SLC10A7: variants seen among roughly 807,000 people sequenced by gnomAD.
SLC10A7 encodes sodium/bile acid cotransporter 7.
Under a neutral mutation model 43.2 loss-of-function variants are expected in SLC10A7, and 29 were observed. That is an observed-to-expected ratio of 0.67 (90% CI 0.50 to 0.92). SLC10A7 has a LOEUF of 0.92. Ranked by LOEUF, SLC10A7 falls within the 40% of genes least tolerant of loss-of-function variation. The probability of loss-of-function intolerance (pLI) is 0.00; values close to 1 mark genes in which losing one functional copy is unlikely to be tolerated. For missense variants in SLC10A7, 295 were observed against 403.2 expected (o/e 0.73, Z 2.30); for synonymous variants, 152 against 144.8 (o/e 1.05, Z -0.35).
intron 2 of SLC10A7, chr4:146,513,858 C>T (rs1737704386): frequency 6.6e-6 from 1 of 152,090 alleles, no homozygotes; most frequent in Non-Finnish European, 1.5e-5. Context: ...AATTTTGAGC[C>T]ACATAGTCAA....
intron 5 of SLC10A7, among the ~76,000 whole-genome samples, chr4:146,409,303 T>C (rs1485769503): frequency 2.8e-5 from 3 of 105,622 alleles, no homozygotes; most frequent in African/African-American, 7.2e-5. Flanking sequence ...TGCTTCCAAA[T>C]AGAAAAAAAA....
At chr4:146,339,240 A>G (rs1318822524) in intron 5 of SLC10A7, among the ~76,000 whole-genome samples, 1 of 152,020 alleles carries the variant, frequency 6.6e-6, no homozygotes, top group Non-Finnish European at 1.5e-5. Flanking sequence ...CCATGTCTAC[A>G]CATGTGAAAT....
intron 1 of SLC10A7, among the ~76,000 whole-genome samples, chr4:146,520,068 G>A (rs1398288725): frequency 6.6e-6 from 1 of 152,152 alleles, no homozygotes; most frequent in Non-Finnish European, 1.5e-5. Flanking sequence ...TCTTCCCACA[G>A]AATATTTAGG....
At chr4:146,472,525 C>T (rs1190322346) in intron 4 of SLC10A7, among the ~76,000 whole-genome samples, 1 of 148,408 alleles carries the variant, frequency 6.7e-6, no homozygotes, top group Non-Finnish European at 1.5e-5. Flanking sequence ...CAGTTCCTAA[C>T]AACAGGGAAC....
At chr4:146,359,758 T>G (rs1297724572) in intron 5 of SLC10A7, among the ~76,000 whole-genome samples, 1 of 152,174 alleles carries the variant, frequency 6.6e-6, no homozygotes, top group Non-Finnish European at 1.5e-5. Flanking sequence ...GCTAAATTGA[T>G]TATAGATATG....
At chr4:146,375,309 A>G (rs548654741) in intron 5 of SLC10A7, among the ~76,000 whole-genome samples, 4 of 152,330 alleles carry the variant, frequency 2.6e-5, no homozygotes, top group African/African-American at 9.6e-5. Flanking sequence ...TAGGAAAAAC[A>G]TTCTAATCTC....
At chr4:146,469,163 C>T (rs1733335540) in intron 4 of SLC10A7, among the ~76,000 whole-genome samples, 1 of 152,156 alleles carries the variant, frequency 6.6e-6, no homozygotes, top group Non-Finnish European at 1.5e-5. Context: ...GGCATTTTTC[C>T]TATGATGCAC....
intron 4 of SLC10A7, among the ~76,000 whole-genome samples, chr4:146,456,733 G>T (rs1160710543): frequency 1.3e-5 from 2 of 151,868 alleles, no homozygotes; most frequent in Non-Finnish European, 2.9e-5. Context: ...AGGCATAATT[G>T]ATTAAATCAC....
chr4:146,518,837 T>C (rs1738264348), intron 1 of SLC10A7, among the ~76,000 whole-genome samples: 1 of 151,750 alleles, frequency 6.6e-6, no homozygotes, highest in African/African-American at 2.4e-5. Flanking sequence ...CTTTCCCAGA[T>C]GTCCTTTGGA....
chr4:146,337,687 T>A (rs577010041), intron 5 of SLC10A7, among the ~76,000 whole-genome samples: 3 of 152,044 alleles, frequency 2.0e-5, no homozygotes, highest in East Asian at 3.9e-4. Flanking sequence ...ATCCTAATTT[T>A]ATAGGTGAGA....
chr4:146,305,140 A>G (rs1731462197), intron 7 of SLC10A7, among the ~76,000 whole-genome samples: 1 of 150,854 alleles, frequency 6.6e-6, no homozygotes, highest in South Asian at 2.1e-4. Flanking sequence ...GTTTATTGCG[A>G]CATTATTCAC....
intron 5 of SLC10A7, among the ~76,000 whole-genome samples, chr4:146,375,998 G>T (rs1737171739): frequency 6.6e-6 from 1 of 152,294 alleles, no homozygotes; most frequent in East Asian, 1.9e-4. Flanking sequence ...ATTTGTGAGA[G>T]CAGCTTACAG....
intron 4 of SLC10A7, among the ~76,000 whole-genome samples, chr4:146,451,241 A>AAAC (rs1200609196): frequency 6.7e-6 from 1 of 150,126 alleles, no homozygotes; most frequent in African/African-American, 2.4e-5. Context: ...CAAAAAAAAA[A>AAAC]AAAAAAAAAC....
chr4:146,479,024 T>C (rs908273547), intron 4 of SLC10A7, among the ~76,000 whole-genome samples: 2 of 152,170 alleles, frequency 1.3e-5, no homozygotes, highest in African/African-American at 4.8e-5. Flanking sequence ...AAATAGAATA[T>C]AAGCCAAGTG....
intron 4 of SLC10A7, among the ~76,000 whole-genome samples, chr4:146,469,472 T>C (rs1733363632): frequency 6.6e-6 from 1 of 152,186 alleles, no homozygotes; most frequent in African/African-American, 2.4e-5. Flanking sequence ...ATCTGCATAC[T>C]ATCATCAAAA....
chr4:146,293,501 A>G (rs1300215846), intron 8 of SLC10A7, among the ~76,000 whole-genome samples: 9 of 152,184 alleles, frequency 5.9e-5, no homozygotes, highest in Admixed American at 1.3e-4. Flanking sequence ...TATGATGTAA[A>G]TATTCATATT....
At chr4:146,518,154 A>G (rs1738192455) in intron 1 of SLC10A7, among the ~76,000 whole-genome samples, 1 of 152,188 alleles carries the variant, frequency 6.6e-6, no homozygotes, top group African/African-American at 2.4e-5. Context: ...CATTTGTGAC[A>G]TGTACACAAT....
intron 5 of SLC10A7, among the ~76,000 whole-genome samples, chr4:146,378,463 C>T (rs1231501309): frequency 6.6e-6 from 1 of 152,132 alleles, no homozygotes. Flanking sequence ...CACAATCAAC[C>T]AAGATTACCA....
intron 4 of SLC10A7, among the ~76,000 whole-genome samples, chr4:146,483,927 A>C (rs1285530445): frequency 6.6e-6 from 1 of 152,240 alleles, no homozygotes; most frequent in Non-Finnish European, 1.5e-5. Context: ...TCAAGAGGAC[A>C]TAACCACAGT....
Sources: allele counts gnomAD v4.1 joint callset (sites outside exome capture counted in the v4.1 genomes callset), GRCh38; gene constraint gnomAD v4.1.1; transcripts MANE v1.5; gene names NCBI Gene and HGNC (gene_info 2026-07-23, HGNC 2026-07-21).